ZFHX3: variants seen among roughly 807,000 people sequenced by gnomAD.
ZFHX3 encodes the protein zinc finger homeobox protein 3.
Under a neutral mutation model 279.1 loss-of-function variants are expected in ZFHX3, and 42 were observed. The observed-to-expected ratio is 0.15, with a 90% CI of 0.12 to 0.19. The LOEUF is 0.19. Among genes scored for constraint, ZFHX3 ranks in the 10% least tolerant of loss-of-function variants. ZFHX3 has a pLI of 1.00. For missense variants in ZFHX3, 4,981 were observed against 4,754.0 expected, an observed-to-expected ratio of 1.05 and a Z score of -1.40; for synonymous variants, 2,293 against 1,957.8, an observed-to-expected ratio of 1.17 and a Z score of -4.52.
intron 2 of ZFHX3, chr16:73,554,181 A>G (rs898865278): frequency 6.6e-6 from 1 of 152,260 alleles, no homozygotes; most frequent in African/African-American, 2.4e-5. Context: ...CCAAGAAAGC[A>G]TGTCCCAGCC....
In ZFHX3 at chr16:72,959,400, C is replaced by G. The variant is rs781315411; in HGVS notation, c.746G>C (p.Gly249Ala). ...GGATACGCAGGAGCTTTTGGCAGAA[C>G]CGTCGCTGTTCAGGTAATCCTTGTT... ...KSNKDYLNSD[G>A]SAKSSCVSKD... Residue 249 changes from glycine to alanine, a missense_variant, in exon 2 of 10, where the codon GGT becomes GCT. Gly to Ala is a moderately conservative substitution (Grantham distance 60). This residue lies in a region of ZFHX3 where 1,068 missense variants were observed against 935.2 expected (regional missense o/e 1.14). Coordinates refer to ENST00000268489, the MANE Select transcript of ZFHX3 (RefSeq NM_006885.4). 12 of 1,614,232 alleles carry G rather than the reference C, an allele frequency of 7.4e-6. No homozygotes were observed. The East Asian group carries it at 2.7e-4, about 36-fold the overall frequency.
chr16:73,358,274 A>G (rs1047881541), intron 3 of ZFHX3, among the ~76,000 whole-genome samples: 7 of 152,220 alleles, frequency 4.6e-5, no homozygotes, highest in African/African-American at 1.4e-4. Context: ...TCTAATGGAT[A>G]GAATATGGCA....
At chr16:73,353,467 T>C (rs375655373) in intron 3 of ZFHX3, among the ~76,000 whole-genome samples, 3 of 152,314 alleles carry the variant, frequency 2.0e-5, no homozygotes, top group South Asian at 2.1e-4. Flanking sequence ...AGCAATAAGA[T>C]TGATAATGTG....
At chr16:73,855,619 T>G (rs1006379974) in intron 1 of ZFHX3, among the ~76,000 whole-genome samples, 2 of 152,180 alleles carry the variant, frequency 1.3e-5, no homozygotes, top group Non-Finnish European at 2.9e-5. Context: ...TGCAACTTTA[T>G]AGACAAGAGT....
intron 9 of ZFHX3, chr16:72,790,679 G>A (rs994158583): frequency 2.0e-5 from 3 of 152,256 alleles, no homozygotes; most frequent in African/African-American, 7.2e-5. Flanking sequence ...GAGAAGATAT[G>A]TGTGACTCTA....
chr16:73,773,574 T>C (rs1041419245), intron 1 of ZFHX3, among the ~76,000 whole-genome samples: 1 of 152,154 alleles, frequency 6.6e-6, no homozygotes, highest in African/African-American at 2.4e-5. Context: ...TAATAATGTG[T>C]CCGTGGAAAG....
rs1296855983 is a variant in ZFHX3, at chr16:73,172,988, G to GTT, written c.-1103-29159_-1103-29158dup. ...CCCCCTGCTGTTTCCTGATGGGACT[G>GTT]TTTTTTTGTTTTTTTTTTTGTTTTT... On this transcript the variant is annotated intron_variant, in intron 5 of 17. Coordinates refer to the ZFHX3 transcript ENST00000641206. Among the ~76,000 whole-genome samples the GTT allele has an allele frequency of 6.7e-4, 31 of 46,156 alleles. 2 individuals carry two copies. Among genetic ancestry groups the GTT allele is most frequent in the African/African-American group, 1.8e-3 (15 of 8,310 alleles). 30.3% of individuals were successfully genotyped at this position (46,156 alleles called of 152,430 possible).
intron 2 of ZFHX3, among the ~76,000 whole-genome samples, chr16:73,489,570 C>T (rs1448332037): frequency 6.6e-6 from 1 of 152,192 alleles, no homozygotes; most frequent in African/African-American, 2.4e-5. Flanking sequence ...AATACCAATG[C>T]TAGCAATTTG....
At position 72,796,603 on chromosome 16, in the gene ZFHX3, C is replaced by T. The variant is rs756766481; in HGVS notation, c.6079G>A (p.Asp2027Asn). 2 of 1,613,850 alleles carry T rather than the reference C, an allele frequency of 1.2e-6. No individual in the cohort carries two copies. Among genetic ancestry groups the T allele is most frequent in the East Asian group, 2.2e-5 (1 of 44,836 alleles). Residue 2027 changes from aspartate (D) to asparagine (N), a missense_variant, in exon 9 of 10, where the codon GAT (aspartate) becomes AAT (asparagine). Coordinates refer to ENST00000268489, the MANE Select transcript of ZFHX3 (RefSeq NM_006885.4). ...TGGGGCCTCAGTGGGTACAGTTTATCGTAGTGGTCTCTGTACTGTTTGGCA... is the reference window on the plus strand; with the variant it reads ...TGGGGCCTCAGTGGGTACAGTTTATTGTAGTGGTCTCTGTACTGTTTGGCA... Reference protein sequence around the residue: ...RFAKQYRDHYDKLYPLRPQTP... With the variant: ...RFAKQYRDHYNKLYPLRPQTP...
intron 1 of ZFHX3, among the ~76,000 whole-genome samples, chr16:73,029,405 A>T (rs1964617843): frequency 6.6e-6 from 1 of 152,242 alleles, no homozygotes; most frequent in South Asian, 2.1e-4. Context: ...AGGGGACACA[A>T]GAGCCTCCTA....
At chr16:73,416,116 C>T (rs1219219051) in intron 3 of ZFHX3, among the ~76,000 whole-genome samples, 1 of 131,502 alleles carries the variant, frequency 7.6e-6, no homozygotes, top group Admixed American at 7.6e-5. Flanking sequence ...GAGCAAGACT[C>T]CATCTCAAAA....
At chr16:73,266,615 G>A (rs746360997) in intron 4 of ZFHX3, among the ~76,000 whole-genome samples, 1 of 152,254 alleles carries the variant, frequency 6.6e-6, no homozygotes, top group African/African-American at 2.4e-5. Flanking sequence ...GTTTGGCTGC[G>A]TCCCCACCCA....
intron 3 of ZFHX3, among the ~76,000 whole-genome samples, chr16:72,939,739 T>C (rs1219285242): frequency 2.0e-5 from 3 of 152,012 alleles, no homozygotes; most frequent in Middle Eastern, 3.2e-3. Flanking sequence ...AACACAAAAA[T>C]TAGCCGGGTA....
intron 1 of ZFHX3, among the ~76,000 whole-genome samples, chr16:73,758,233 AATTC>A (rs5817875): frequency 0.61 from 92,618 of 150,696 alleles, 29,674 homozygotes; most frequent in Non-Finnish European, 0.71. Context: ...TGTTACTAGA[AATTC>A]ATTCATTCAT....
At chr16:72,856,496 T>C (rs1190315416) in intron 4 of ZFHX3, among the ~76,000 whole-genome samples, 1 of 152,198 alleles carries the variant, frequency 6.6e-6, no homozygotes, top group Admixed American at 6.5e-5. Context: ...CTTAGATGCC[T>C]TCAAAATCCC....
At chr16:72,912,670 A>AT (rs1807457668) in intron 3 of ZFHX3, among the ~76,000 whole-genome samples, 1 of 152,062 alleles carries the variant, frequency 6.6e-6, no homozygotes, top group African/African-American at 2.4e-5. Context: ...GGGAGCAGGG[A>AT]TGGGGCTTGC....
intron 4 of ZFHX3, among the ~76,000 whole-genome samples, chr16:72,871,374 A>C (rs2038156857): frequency 8.4e-6 from 1 of 118,488 alleles, no homozygotes; most frequent in African/African-American, 3.3e-5. Flanking sequence ...ACGGAGTCTC[A>C]CTCTGTTGCC....
chr16:73,026,545 C>A (rs1372522469), intron 1 of ZFHX3, among the ~76,000 whole-genome samples: 3 of 151,576 alleles, frequency 2.0e-5, no homozygotes, highest in Non-Finnish European at 4.4e-5. Flanking sequence ...GTGGCAGGCA[C>A]CTGTAATCCC....
intron 1 of ZFHX3, among the ~76,000 whole-genome samples, chr16:73,838,029 A>T (rs553955365): frequency 6.6e-6 from 1 of 152,306 alleles, no homozygotes; most frequent in African/African-American, 2.4e-5. Context: ...GCCACACATA[A>T]TCGGACATAA....
Sources: gnomAD v4.1 joint callset for allele counts (sites outside exome capture counted in the v4.1 genomes callset) on GRCh38, gnomAD v4.1.1 for gene constraint, gnomAD v4.1.1 regional missense constraint, MANE v1.5 for transcripts, NCBI Gene and HGNC (gene_info 2026-07-23, HGNC 2026-07-21) for gene names.